The following CSMD1 variants were observed in gnomAD, a reference collection of about 807,000 sequenced individuals.
The protein encoded by CSMD1 is CUB and Sushi multiple domains 1, also known as CUB and sushi domain-containing protein 1.
CSMD1 carries 213 observed loss-of-function variants against 417.5 expected under a neutral mutation model. The ratio of observed to expected loss-of-function variants is 0.51; its 90% CI spans 0.46 to 0.57. The LOEUF is 0.57. CSMD1 is among the 20% of genes least tolerant of loss of function. The pLI, the probability that CSMD1 is intolerant of heterozygous loss-of-function variation, is 0.00. For missense variants in CSMD1, 6,923 were observed against 4,529.7 expected (o/e 1.53, Z -15.17); for synonymous variants, 2,862 against 1,736.8 (o/e 1.65, Z -16.11).
At chr8:3,488,421 T>C (rs1358635823) in intron 11 of CSMD1, among the ~76,000 whole-genome samples, 1 of 152,206 alleles carries the variant, frequency 6.6e-6, no homozygotes, top group Non-Finnish European at 1.5e-5. Flanking sequence ...AACATGTCTT[T>C]TGACCTTTTA....
intron 2 of CSMD1, among the ~76,000 whole-genome samples, chr8:4,484,910 T>G (rs1311802449): frequency 1.5e-5 from 2 of 131,696 alleles, no homozygotes; most frequent in Admixed American, 8.7e-5. Context: ...GAGGCAGAGG[T>G]TGCAGTGAGC....
chr8:4,321,945 C>T (rs996709848), intron 3 of CSMD1, among the ~76,000 whole-genome samples: 4 of 151,844 alleles, frequency 2.6e-5, no homozygotes, highest in African/African-American at 9.7e-5. Context: ...TGCATTTTTT[C>T]ACATTATCAC....
At chr8:3,555,468 G>C (rs547965944) in intron 10 of CSMD1, among the ~76,000 whole-genome samples, 1 of 152,318 alleles carries the variant, frequency 6.6e-6, no homozygotes, top group Admixed American at 6.5e-5. Context: ...TCAGAAGGTG[G>C]AGGTGAAGTG....
chr8:4,205,372 G>A (rs1056403194), intron 3 of CSMD1, among the ~76,000 whole-genome samples: 18 of 152,214 alleles, frequency 1.2e-4, no homozygotes, highest in African/African-American at 2.9e-4. Context: ...GGGAAAAAGT[G>A]TGAACAATTT....
At chr8:3,824,254 A>G (rs1801917106) in intron 5 of CSMD1, among the ~76,000 whole-genome samples, 1 of 150,658 alleles carries the variant, frequency 6.6e-6, no homozygotes, top group African/African-American at 2.4e-5. Context: ...ACAAAAACCA[A>G]AAAAAAAAAA....
intron 1 of CSMD1, among the ~76,000 whole-genome samples, chr8:4,723,490 A>G (rs1028235109): frequency 6.6e-6 from 1 of 152,166 alleles, no homozygotes; most frequent in African/African-American, 2.4e-5. Context: ...TTACCTGACA[A>G]CACGTCCATT....
At chr8:4,755,001 G>A (rs1218084386) in intron 1 of CSMD1, among the ~76,000 whole-genome samples, 1 of 152,074 alleles carries the variant, frequency 6.6e-6, no homozygotes, top group Non-Finnish European at 1.5e-5. Context: ...AGCCGGGCAT[G>A]GTGGCATGTG....
intron 2 of CSMD1, among the ~76,000 whole-genome samples, chr8:4,564,798 T>G (rs1006970637): frequency 5.3e-5 from 8 of 152,342 alleles, no homozygotes; most frequent in Admixed American, 3.9e-4. Context: ...GCACCTAGAA[T>G]TTAAAATATT....
At chr8:4,198,698 G>T (rs1441276529) in intron 3 of CSMD1, among the ~76,000 whole-genome samples, 3 of 151,970 alleles carry the variant, frequency 2.0e-5, no homozygotes, top group African/African-American at 7.3e-5. Context: ...AGGACTACAT[G>T]GATACTAAGT....
Position 4,961,756 on chromosome 8 carries a change from C to T in CSMD1, c.85+32576G>A, listed in dbSNP as rs557646131. ...TTCTGAGTTTCACAACATTTTCAATCTAGCAATTTCTGTCCATTTCTGAGA... is the reference window on the plus strand; with the variant it reads ...TTCTGAGTTTCACAACATTTTCAATTTAGCAATTTCTGTCCATTTCTGAGA... On this transcript the variant is annotated intron_variant, in intron 1 of 69. Coordinates refer to ENST00000635120, the MANE Select transcript of CSMD1 (RefSeq NM_033225.6). Among the ~76,000 whole-genome samples, 166 of 152,212 alleles carry T rather than the reference C, an allele frequency of 1.1e-3. 1 individual carries two copies. The highest frequency in any genetic ancestry group is 3.7e-3 in the African/African-American group (154 of 41,540).
At chr8:3,532,187 C>T (rs890097996) in intron 10 of CSMD1, among the ~76,000 whole-genome samples, 1 of 152,142 alleles carries the variant, frequency 6.6e-6, no homozygotes, top group Non-Finnish European at 1.5e-5. Context: ...TGCTCTAAAC[C>T]TCACCCTTAG....
chr8:3,774,361 G>A (rs933743203), intron 5 of CSMD1, among the ~76,000 whole-genome samples: 3 of 152,086 alleles, frequency 2.0e-5, no homozygotes, highest in African/African-American at 7.2e-5. Flanking sequence ...CGGTTGTTTG[G>A]ATGTCTGTCA....
At chr8:4,282,639 C>G (rs947637842) in intron 3 of CSMD1, among the ~76,000 whole-genome samples, 1 of 152,068 alleles carries the variant, frequency 6.6e-6, no homozygotes, top group African/African-American at 2.4e-5. Flanking sequence ...TATGCATTCA[C>G]CTTTTCAGTT....
chr8:4,095,809 G>A (rs143247164), intron 3 of CSMD1, among the ~76,000 whole-genome samples: 1 of 152,268 alleles, frequency 6.6e-6, no homozygotes, highest in South Asian at 2.1e-4. Flanking sequence ...TTGTATGCAT[G>A]TTTATTCATT....
At chr8:3,423,828 C>G (rs1443359710) in intron 12 of CSMD1, among the ~76,000 whole-genome samples, 1 of 152,202 alleles carries the variant, frequency 6.6e-6, no homozygotes, top group East Asian at 1.9e-4. Flanking sequence ...CCTTGTCTCT[C>G]CTCACAACTG....
chr8:3,404,670 A>T (rs1308697911), intron 15 of CSMD1, among the ~76,000 whole-genome samples: 1 of 152,188 alleles, frequency 6.6e-6, no homozygotes, highest in Non-Finnish European at 1.5e-5. Flanking sequence ...ATAAACTAAG[A>T]GGGAAAAATC....
At chr8:4,561,231 A>T (rs1051000943) in intron 2 of CSMD1, among the ~76,000 whole-genome samples, 1 of 152,132 alleles carries the variant, frequency 6.6e-6, no homozygotes. Flanking sequence ...ACAAACAGTC[A>T]GGCGTGGTAG....
intron 5 of CSMD1, among the ~76,000 whole-genome samples, chr8:3,784,405 G>A (rs1234239128): frequency 6.6e-6 from 1 of 152,122 alleles, no homozygotes. Context: ...AGAAATAACT[G>A]CTGTTAGTAT....
In CSMD1 at chr8:4,859,910, G is replaced by A. The variant is rs556917550; in HGVS notation, c.85+134422C>T. Among the ~76,000 whole-genome samples the A allele has an allele frequency of 2.1e-4, 32 of 152,190 alleles. 1 individual carries two copies. The highest frequency in any genetic ancestry group is 7.0e-4 in the African/African-American group (29 of 41,500). On this transcript the variant is annotated intron_variant, in intron 1 of 69. Transcript: ENST00000635120. ...TTTGACCCAGCCATCCCATTACTGG[G>A]TATATACCCAAAGGATTATAAATCA... is the stretch of plus-strand genomic sequence containing the variant.
Sources: allele counts gnomAD v4.1 joint callset (sites outside exome capture counted in the v4.1 genomes callset), GRCh38; gene constraint gnomAD v4.1.1; transcripts MANE v1.5; gene names NCBI Gene and HGNC (gene_info 2026-07-23, HGNC 2026-07-21).